The following SMOC1 variants were observed in gnomAD, a reference collection of about 807,000 sequenced individuals.
The protein encoded by SMOC1 is SPARC related modular calcium binding 1.
SMOC1 carries 22 observed loss-of-function variants against 56.3 expected under a neutral mutation model. The observed-to-expected ratio is 0.39, with a 90% CI of 0.28 to 0.56. The LOEUF (loss-of-function observed/expected upper bound fraction) is 0.56. Among genes scored for constraint, SMOC1 ranks in the 20% least tolerant of loss-of-function variants. SMOC1 has a pLI of 0.61. For missense variants in SMOC1, 509 were observed against 565.4 expected (o/e 0.90, Z 1.01); for synonymous variants, 193 against 215.0 (o/e 0.90, Z 0.89).
intron 1 of SMOC1, among the ~76,000 whole-genome samples, chr14:69,936,805 C>T (rs373634073): frequency 1.6e-4 from 25 of 152,252 alleles, no homozygotes; most frequent in African/African-American, 3.8e-4. Flanking sequence ...ATCTATAACC[C>T]ATCTGTGTTC....
chr14:69,899,451 T>C (rs1217988424), intron 1 of SMOC1, among the ~76,000 whole-genome samples: 1 of 152,208 alleles, frequency 6.6e-6, no homozygotes, highest in Non-Finnish European at 1.5e-5. Context: ...CTCTTCCTTC[T>C]GTTCCAACTT....
intron 1 of SMOC1, among the ~76,000 whole-genome samples, chr14:69,951,780 C>T (rs1883002701): frequency 6.6e-6 from 1 of 152,222 alleles, no homozygotes; most frequent in Admixed American, 6.5e-5. Context: ...TCAGCCTCCA[C>T]TGCTTATAGC....
intron 1 of SMOC1, among the ~76,000 whole-genome samples, chr14:69,894,255 G>A (rs958656670): frequency 2.0e-4 from 30 of 152,090 alleles, no homozygotes; most frequent in Admixed American, 2.0e-3. Flanking sequence ...TTTTGTCATG[G>A]GGGCAAATGG....
rs1031391405 is a variant in SMOC1, at chr14:70,030,969, A to G, written c.*711A>G. Reference sequence around the variant, plus strand: ...GGAAGGGAGTCCAGATCCCATGAATAGCCCACACAGGTACCGGCTCTCAGA... The same window carrying G: ...GGAAGGGAGTCCAGATCCCATGAATGGCCCACACAGGTACCGGCTCTCAGA... On this transcript the variant is annotated 3_prime_UTR_variant, in exon 12 of 12. Transcript: ENST00000361956. The G allele has an allele frequency of 6.6e-6, 1 of 152,180 alleles. No homozygotes were observed. The highest frequency in any genetic ancestry group is 1.5e-5 in the Non-Finnish European group (1 of 68,088). 9.4% of individuals were successfully genotyped at this position (152,180 alleles called of 1,614,324 possible).
chr14:69,895,964 T>C (rs1884088384), intron 1 of SMOC1, among the ~76,000 whole-genome samples: 1 of 151,684 alleles, frequency 6.6e-6, no homozygotes. Flanking sequence ...CCTAATGCCT[T>C]AGCCTCCTGA....
rs570314217 is a variant in SMOC1 at position 69,993,394 on chromosome 14, T to C, written c.583+921T>C. On this transcript the variant is annotated intron_variant, in intron 6 of 11. Coordinates refer to ENST00000361956, the MANE Select transcript of SMOC1 (RefSeq NM_001034852.3). Reference sequence around the variant, plus strand: ...ACTCCATATTCCCTTGATGAGGAACTGGAAGTTTGGCAGAGTGAAGTCTCT... The same window carrying C: ...ACTCCATATTCCCTTGATGAGGAACCGGAAGTTTGGCAGAGTGAAGTCTCT... Among the ~76,000 whole-genome samples, 4 of 152,284 alleles carry C rather than the reference T, an allele frequency of 2.6e-5. No individual in the cohort carries two copies. In the South Asian group the frequency reaches 8.3e-4, roughly 32 times the overall value.
intron 1 of SMOC1, among the ~76,000 whole-genome samples, chr14:69,946,900 C>T (rs1303522984): frequency 6.6e-6 from 1 of 152,138 alleles, no homozygotes; most frequent in Non-Finnish European, 1.5e-5. Flanking sequence ...TGATCCACCC[C>T]CCATCCCTCT....
At chr14:69,946,509 C>G (rs949640484) in intron 1 of SMOC1, among the ~76,000 whole-genome samples, 1 of 152,060 alleles carries the variant, frequency 6.6e-6, no homozygotes, top group Non-Finnish European at 1.5e-5. Flanking sequence ...TTTTTAATGT[C>G]TTTTGGTTAG....
intron 11 of SMOC1, among the ~76,000 whole-genome samples, chr14:70,027,692 CT>C (rs563558309): frequency 5.5e-4 from 84 of 152,340 alleles, no homozygotes; most frequent in African/African-American, 1.9e-3. Context: ...CCTAAACTCT[CT>C]AAGCCTCCGT....
At chr14:70,005,514 T>A (rs1321027218) in intron 7 of SMOC1, among the ~76,000 whole-genome samples, 1 of 152,238 alleles carries the variant, frequency 6.6e-6, no homozygotes, top group East Asian at 1.9e-4. Flanking sequence ...CTTTGCTATG[T>A]GCAATTAGTG....
intron 1 of SMOC1, among the ~76,000 whole-genome samples, chr14:69,937,417 C>A (rs962502817): frequency 3.3e-4 from 50 of 152,326 alleles, no homozygotes; most frequent in Non-Finnish European, 7.1e-4. Flanking sequence ...CATGGAAGAA[C>A]CATTCTTTCT....
chr14:69,918,164 A>C (rs1378812604), intron 1 of SMOC1, among the ~76,000 whole-genome samples: 1 of 152,166 alleles, frequency 6.6e-6, no homozygotes, highest in Non-Finnish European at 1.5e-5. Context: ...CAAGTATACA[A>C]GACATTATAA....
intron 1 of SMOC1, among the ~76,000 whole-genome samples, chr14:69,891,091 T>C (rs1268695189): frequency 6.6e-6 from 1 of 152,254 alleles, no homozygotes; most frequent in East Asian, 1.9e-4. Flanking sequence ...TCACCAATGT[T>C]GCATGAAAAA....
At chr14:69,956,907 T>C (rs559606566) in intron 3 of SMOC1, among the ~76,000 whole-genome samples, 8 of 152,282 alleles carry the variant, frequency 5.3e-5, no homozygotes, top group Admixed American at 2.0e-4. Context: ...ACACAGACAT[T>C]GTGTTTTTTC....
chr14:69,939,358 A>G (rs1457227191), intron 1 of SMOC1, among the ~76,000 whole-genome samples: 1 of 152,230 alleles, frequency 6.6e-6, no homozygotes, highest in African/African-American at 2.4e-5. Context: ...TTTATTCACT[A>G]TCATGAGAAC....
chr14:69,919,184 T>A lies in SMOC1; in HGVS notation c.100-32954T>A, dbSNP rs535935299. Among the ~76,000 whole-genome samples the A allele has an allele frequency of 2.0e-5, 3 of 152,294 alleles. No homozygotes were observed. The East Asian group carries it at 5.8e-4, about 29-fold the overall frequency. On this transcript the variant is annotated intron_variant, in intron 1 of 11. Transcript: ENST00000361956. ...ATTGGGAATTCCTGTTGCTGCCTTA[T>A]ATAGCCAGGTCAAGCCCATAAAAGA... is the stretch of plus-strand genomic sequence containing the variant.
intron 1 of SMOC1, among the ~76,000 whole-genome samples, chr14:69,895,874 T>G (rs1288168481): frequency 1.3e-5 from 2 of 150,586 alleles, no homozygotes; most frequent in East Asian, 3.9e-4. Context: ...TTTCTTTTTT[T>G]TTTTTTTTGA....
intron 10 of SMOC1, among the ~76,000 whole-genome samples, chr14:70,016,806 C>T (rs1885530780): frequency 6.6e-6 from 1 of 152,204 alleles, no homozygotes; most frequent in African/African-American, 2.4e-5. Flanking sequence ...TTCAGTTCCC[C>T]ATCTTCCAAT....
At chr14:69,970,227 A>G (rs1014087698) in intron 3 of SMOC1, among the ~76,000 whole-genome samples, 1 of 152,068 alleles carries the variant, frequency 6.6e-6, no homozygotes, top group Non-Finnish European at 1.5e-5. Context: ...AAAGAGTTCT[A>G]TTTTCCAGAA....
Sources: allele counts gnomAD v4.1 joint callset (sites outside exome capture counted in the v4.1 genomes callset), GRCh38; gene constraint gnomAD v4.1.1; transcripts MANE v1.5; gene names NCBI Gene and HGNC (gene_info 2026-07-23, HGNC 2026-07-21).